The following TMEM44 variants were observed in gnomAD, a reference collection of about 807,000 sequenced individuals.
TMEM44 encodes transmembrane protein 44.
In TMEM44, 43 loss-of-function variants were observed where a neutral mutation model predicts 47.8. That is an observed-to-expected ratio of 0.90 (90% confidence interval 0.70 to 1.16). The LOEUF (loss-of-function observed/expected upper bound fraction) is 1.16, where lower values mean the gene tolerates loss of function less well. Among genes scored for constraint, TMEM44 ranks in the 50% most tolerant of loss-of-function variants. The pLI is 0.00. For synonymous variants in TMEM44, 277 were observed against 238.8 expected, an observed-to-expected ratio of 1.16 and a Z score of -1.48; for missense variants, 568 against 555.2, an observed-to-expected ratio of 1.02 and a Z score of -0.23.
chr3:194,618,536 T>C (rs1199833542), intron 5 of TMEM44, among the ~76,000 whole-genome samples: 1 of 138,442 alleles, frequency 7.2e-6, no homozygotes, highest in East Asian at 2.5e-4. Context: ...TTTAGTTTTA[T>C]ATAAATTAAA....
intron 9 of TMEM44, among the ~76,000 whole-genome samples, chr3:194,596,243 G>A (rs1406690585): frequency 6.6e-6 from 1 of 152,082 alleles, no homozygotes; most frequent in Non-Finnish European, 1.5e-5. Context: ...CCTGCAGGAC[G>A]GAAATGAAAG....
Position 194,623,614 on chromosome 3 carries a change from G to T in TMEM44, c.440C>A (p.Pro147Gln), listed in dbSNP as rs200782246. The change falls in exon 4 of 10, where the codon CCG (proline) becomes CAG (glutamine). Residue 147 changes from proline (P) to glutamine (Q), a missense_variant. By Grantham distance (76) the Pro-to-Gln change is moderately conservative (BLOSUM62 -1). Transcript: ENST00000347147. ...FALALPLSLG[P>Q]CWALWVAVPK... is the part of the protein sequence containing the mutation. ...GACAGCAACCCACAGAGCCCAGCAC[G>T]GGCCCAGGCTCAGCGGCAGGGCCAG... 9 of 1,612,572 alleles carry T rather than the reference G, an allele frequency of 5.6e-6. No individual in the cohort carries two copies. Among genetic ancestry groups the T allele is most frequent in the African/African-American group, 2.7e-5 (2 of 74,914 alleles).
intron 8 of TMEM44, among the ~76,000 whole-genome samples, chr3:194,607,058 G>A (rs979205709): frequency 6.6e-6 from 1 of 152,084 alleles, no homozygotes; most frequent in African/African-American, 2.4e-5. Flanking sequence ...TGGCCCCAGC[G>A]TGTCTCATGT....
Position 194,625,906 on chromosome 3 carries a change from A to T in TMEM44, c.349T>A (p.Ser117Thr), listed in dbSNP as rs1389213935. 6.2e-7 allele frequency: 1 copy of T among 1,613,012 alleles called. No homozygotes were observed. Among genetic ancestry groups the T allele is most frequent in the Non-Finnish European group, 8.5e-7 (1 of 1,179,130 alleles). ...LFPVCGSKFK[S>T]NSDREARERK... ...ACAGCCACACACTCACCTGAATTAG[A>T]CTTGAATTTGGATCCACAGACTGGG... Residue 117 changes from serine (S) to threonine (T), a missense_variant, in exon 3 of 10, where the codon TCT becomes ACT. Physicochemically the swap from Ser to Thr is moderately conservative, Grantham distance 58. Coordinates refer to ENST00000347147, the MANE Select transcript of TMEM44 (RefSeq NM_001011655.3).
In TMEM44 at chr3:194,611,113, C is replaced by T; in HGVS notation, c.913-93G>A. ...GGTCACATTTTATTCAAAAGGACCCCCGTGGTATTTTCTCTCTCTCTTTTT... is the reference window on the plus strand; with the variant it reads ...GGTCACATTTTATTCAAAAGGACCCTCGTGGTATTTTCTCTCTCTCTTTTT... On this transcript the variant is annotated intron_variant, in intron 7 of 9. Coordinates refer to ENST00000347147, the MANE Select transcript of TMEM44 (RefSeq NM_001011655.3). The surrounding 1 kb of genome is among the most constrained non-coding windows in gnomAD (Gnocchi z 4.2). 1.0e-6 allele frequency: 1 copy of T among 989,120 alleles called. No individual in the cohort carries two copies. Among genetic ancestry groups the T allele is most frequent in the South Asian group, 1.4e-5 (1 of 71,718 alleles). 61.3% of individuals were successfully genotyped at this position (989,120 alleles called of 1,614,324 possible).
In TMEM44 at chr3:194,604,343, C is replaced by A. The variant is rs1714525678; in HGVS notation, c.1120G>T (p.Ala374Ser). The change falls in exon 9 of 10, where the codon GCC becomes TCC. Residue 374 changes from alanine to serine, a missense_variant. Coordinates refer to ENST00000347147, the MANE Select transcript of TMEM44 (RefSeq NM_001011655.3). ...GAGGAGCTGCCGGAAGACACCCGGGCCCGGATGACCTGAACGGGAGGGTAC... is the reference window on the plus strand; with the variant it reads ...GAGGAGCTGCCGGAAGACACCCGGGACCGGATGACCTGAACGGGAGGGTAC... ...PSYPPVQVIRARVSSGSSSEV... is the reference protein window; with the variant it reads ...PSYPPVQVIRSRVSSGSSSEV... 3 of 1,574,998 alleles carry A rather than the reference C, an allele frequency of 1.9e-6. No homozygotes were observed. In the South Asian group the frequency reaches 3.5e-5, roughly 18 times the overall value.
intron 5 of TMEM44, chr3:194,622,959 C>T (rs1716722128): frequency 8.0e-6 from 3 of 375,498 alleles, no homozygotes; most frequent in Admixed American, 4.9e-5. Flanking sequence ...GCCTGCTTTT[C>T]ATTTGCTATA....
At position 194,620,768 on chromosome 3, in the gene TMEM44, G is replaced by A. The variant is rs540391906; in HGVS notation, c.612+2456C>T. Among the ~76,000 whole-genome samples, 4 of 152,198 alleles carry A rather than the reference G, an allele frequency of 2.6e-5. No homozygotes were observed. The East Asian group carries it at 7.7e-4, about 29-fold the overall frequency. On this transcript the variant is annotated intron_variant, in intron 5 of 9. Coordinates refer to ENST00000347147, the MANE Select transcript of TMEM44 (RefSeq NM_001011655.3). ...AGGCCGGGCGTGGTGGCTCAAACCTGTGAGGCCAAACACTCTGGGAGGCCA... is the reference window on the plus strand; with the variant it reads ...AGGCCGGGCGTGGTGGCTCAAACCTATGAGGCCAAACACTCTGGGAGGCCA...
rs189087696 is a variant in TMEM44 at position 194,612,157 on chromosome 3, T to A, written c.913-1137A>T. ...CTCACAGTTTCCCAGGTAATCCTGG[T>A]CTAGGGCCCACACTTTGAGAACCAC... On this transcript the variant is annotated intron_variant, in intron 7 of 9. Coordinates refer to ENST00000347147, the MANE Select transcript of TMEM44 (RefSeq NM_001011655.3). Among the ~76,000 whole-genome samples the A allele has an allele frequency of 1.2e-4, 18 of 152,346 alleles. 1 individual carries two copies. In the East Asian group the frequency reaches 3.3e-3, roughly 28 times the overall value.
At chr3:194,630,858 G>C (rs984399343) in intron 1 of TMEM44, among the ~76,000 whole-genome samples, 1 of 149,924 alleles carries the variant, frequency 6.7e-6, no homozygotes, top group Non-Finnish European at 1.5e-5. Context: ...ATAATACGCT[G>C]TCGTACCTGC....
At chr3:194,604,060 G>T (rs1714475924) in intron 9 of TMEM44, among the ~76,000 whole-genome samples, 1 of 152,070 alleles carries the variant, frequency 6.6e-6, no homozygotes, top group Admixed American at 6.5e-5. Context: ...TGCCATGTTG[G>T]CCAGGCTGGT....
intron 9 of TMEM44, among the ~76,000 whole-genome samples, chr3:194,590,420 T>G (rs1311295215): frequency 6.6e-6 from 1 of 152,200 alleles, no homozygotes; most frequent in Non-Finnish European, 1.5e-5. Context: ...TCGCATTAAC[T>G]TGCGGTCGCA....
chr3:194,621,037 A>AG (rs1353081850), intron 5 of TMEM44, among the ~76,000 whole-genome samples: 1 of 152,056 alleles, frequency 6.6e-6, no homozygotes, highest in African/African-American at 2.4e-5. Context: ...AAAAAAAAAA[A>AG]AAAAAGATGT....
At chr3:194,621,654 C>G (rs1339640019) in intron 5 of TMEM44, among the ~76,000 whole-genome samples, 3 of 152,186 alleles carry the variant, frequency 2.0e-5, no homozygotes, top group Non-Finnish European at 4.4e-5. Context: ...CCGCGAACAA[C>G]CCTCCAGCCC....
intron 9 of TMEM44, chr3:194,589,401 A>G (rs967581583): frequency 1.3e-5 from 2 of 152,122 alleles, no homozygotes; most frequent in African/African-American, 4.8e-5. Flanking sequence ...TCTTTGTATT[A>G]CCTATTCCAC....
chr3:194,626,487 G>A (rs1705981), intron 2 of TMEM44, among the ~76,000 whole-genome samples: 120,737 of 152,152 alleles, frequency 0.79, 48,204 homozygotes, highest in East Asian at 0.97. Context: ...TAGAGTTAGC[G>A]GTGAAGAACT....
intron 5 of TMEM44, among the ~76,000 whole-genome samples, chr3:194,621,716 T>TA (rs897043616): frequency 8.2e-6 from 1 of 122,658 alleles, no homozygotes; most frequent in Non-Finnish European, 1.8e-5. Context: ...CCTGGGCAAG[T>TA]AATTTTTTTT....
At position 194,626,142 on chromosome 3, in the gene TMEM44, AAGTCCATTAT is replaced by A. The variant is rs1312929924; in HGVS notation, c.265-162_265-153del. 4.8e-6 allele frequency: 3 copies of A among 629,730 alleles called. No homozygotes were observed. In the Admixed American group the frequency reaches 7.3e-5, roughly 15 times the overall value. 39.0% of individuals were successfully genotyped at this position (629,730 alleles called of 1,614,324 possible). On this transcript the variant is annotated intron_variant, in intron 2 of 9. Coordinates refer to ENST00000347147, the MANE Select transcript of TMEM44 (RefSeq NM_001011655.3). ...GGGACACCTCCTGCCAACCCCGGAA[AAGTCCATTAT>A]CATGTCCACTTGGCTGATGAGGAGA...
chr3:194,618,724 A>G (rs1282294862), intron 5 of TMEM44, among the ~76,000 whole-genome samples: 1 of 152,014 alleles, frequency 6.6e-6, no homozygotes, highest in East Asian at 1.9e-4. Flanking sequence ...AGGGAATGGG[A>G]AAAATTCAGG....
Sources: allele counts gnomAD v4.1 joint callset (sites outside exome capture counted in the v4.1 genomes callset), GRCh38; gene constraint gnomAD v4.1.1; non-coding constraint Gnocchi (gnomAD v3.1); transcripts MANE v1.5; gene names NCBI Gene and HGNC (gene_info 2026-07-23, HGNC 2026-07-21).